Variants in PLA2G4E observed in about 807,000 individuals in gnomAD.
PLA2G4E encodes phospholipase A2 group IVE.
A neutral mutation model predicts 109.1 loss-of-function variants in PLA2G4E; 84 were observed. The ratio of observed to expected loss-of-function variants is 0.77; its 90% CI spans 0.65 to 0.92. The LOEUF (loss-of-function observed/expected upper bound fraction) is 0.92. Among genes scored for constraint, PLA2G4E ranks in the 40% least tolerant of loss-of-function variants. The probability of loss-of-function intolerance (pLI) is 0.00; values close to 1 mark genes in which losing one functional copy is unlikely to be tolerated. For missense variants in PLA2G4E, 1,057 were observed against 1,076.6 expected (o/e 0.98, Z 0.25); for synonymous variants, 469 against 436.1 (o/e 1.08, Z -0.94).
intron 1 of PLA2G4E, among the ~76,000 whole-genome samples, chr15:42,040,878 G>T (rs573690708): frequency 1.3e-4 from 20 of 152,314 alleles, no homozygotes; most frequent in African/African-American, 4.1e-4. Context: ...CTTCTCTGAT[G>T]ATTCTAAAGT....
intron 1 of PLA2G4E, among the ~76,000 whole-genome samples, chr15:42,033,118 C>T (rs1889143893): frequency 6.6e-6 from 1 of 151,920 alleles, no homozygotes; most frequent in Non-Finnish European, 1.5e-5. Context: ...TGTGAGAGTA[C>T]TTGGGAGCGG....
rs77850589 is a variant in PLA2G4E, at chr15:42,020,701, G to A, written c.184-6944C>T. Among the ~76,000 whole-genome samples the A allele has an allele frequency of 6.2e-3, 947 of 152,176 alleles. 13 individuals carry two copies. Among genetic ancestry groups the A allele is most frequent in the African/African-American group, 0.022 (910 of 41,516 alleles). ...TCATGATGCCTTGAAAATCTTGAGG[G>A]TACTCTCAGCAGGGCCACCCAAGCA... On this transcript the variant is annotated intron_variant, in intron 1 of 19. Transcript: ENST00000399518.
chr15:41,986,840 TC>T, intron 17 of PLA2G4E: 1 of 347,542 alleles, frequency 2.9e-6, no homozygotes, highest in Middle Eastern at 9.3e-4. Context: ...TTAAAGGGCA[TC>T]CCCAGAACAC....
At chr15:41,995,789 T>C (rs6493017) in intron 11 of PLA2G4E, among the ~76,000 whole-genome samples, 53,704 of 152,064 alleles carry the variant, frequency 0.35, 10,907 homozygotes, top group East Asian at 0.57. Context: ...ACTGTTAGTC[T>C]AGCCCTCGGT....
chr15:41,996,555 C>A (rs1195328837), intron 11 of PLA2G4E, among the ~76,000 whole-genome samples: 1 of 152,170 alleles, frequency 6.6e-6, no homozygotes, highest in Non-Finnish European at 1.5e-5. Context: ...GGCTTGCCTG[C>A]TGCCCAGGCG....
chr15:42,017,351 C>G (rs1329242419), intron 1 of PLA2G4E, among the ~76,000 whole-genome samples: 1 of 152,220 alleles, frequency 6.6e-6, no homozygotes, highest in East Asian at 1.9e-4. Context: ...AACCTCAGTG[C>G]CTTCCAATGC....
chr15:41,993,694 A>G (rs570603268), intron 12 of PLA2G4E, among the ~76,000 whole-genome samples: 1 of 152,162 alleles, frequency 6.6e-6, no homozygotes, highest in Non-Finnish European at 1.5e-5. Flanking sequence ...GCGCCTGAGA[A>G]TGACCTCCCT....
At chr15:42,021,016 C>T (rs775498308) in intron 1 of PLA2G4E, among the ~76,000 whole-genome samples, 5 of 151,884 alleles carry the variant, frequency 3.3e-5, no homozygotes, top group Non-Finnish European at 5.9e-5. Flanking sequence ...TGGCGTGCAT[C>T]TGCCTCAGGA....
In PLA2G4E at chr15:41,986,142, G is replaced by A. The variant is rs1272999145; in HGVS notation, c.2036-137C>T. 8.5e-6 allele frequency: 7 copies of A among 826,448 alleles called. No individual in the cohort carries two copies. In the Admixed American group the frequency reaches 1.5e-4, roughly 18 times the overall value. 51.2% of individuals were successfully genotyped at this position (826,448 alleles called of 1,614,324 possible). On this transcript the variant is annotated intron_variant, in intron 17 of 19. Transcript: ENST00000399518. ...ACCAGGACGCCCACTGAGTTCCAGTGCCCTCTGGGTGGCTGAGGAAGAACA... is the reference window on the plus strand; with the variant it reads ...ACCAGGACGCCCACTGAGTTCCAGTACCCTCTGGGTGGCTGAGGAAGAACA...
intron 18 of PLA2G4E, among the ~76,000 whole-genome samples, chr15:41,985,433 G>A (rs1353828890): frequency 6.6e-6 from 1 of 152,230 alleles, no homozygotes; most frequent in Non-Finnish European, 1.5e-5. Context: ...GAGAGCACTT[G>A]AGTGTAATTC....
chr15:42,048,171 T>A lies in PLA2G4E; in HGVS notation c.183+2350A>T, dbSNP rs111366216. 2.1e-3 allele frequency among the ~76,000 whole-genome samples: 322 copies of A among 152,330 alleles called. 4 individuals are homozygous for A. The South Asian group carries it at 0.027, about 13-fold the overall frequency. On this transcript the variant is annotated intron_variant, in intron 1 of 19. Transcript: ENST00000399518. ...CTTACTGTGTTACAATTGCCTACAG[T>A]GTTCAGTACAGTAACAGGCTGTACA...
At chr15:42,002,765 A>C in intron 5 of PLA2G4E, 69 bp from the exon 6 acceptor site, 2 of 1,377,224 alleles carry the variant, frequency 1.5e-6, no homozygotes, top group Non-Finnish European at 2.0e-6. Flanking sequence ...ATGGCGACAA[A>C]GGGAATAAAT....
chr15:42,014,054 C>T (rs556150353), intron 1 of PLA2G4E, among the ~76,000 whole-genome samples: 82 of 152,070 alleles, frequency 5.4e-4, no homozygotes, highest in African/African-American at 1.8e-3. Context: ...ACATACCCAG[C>T]TAAATTTTTG....
chr15:42,003,802 AG>A (rs1232093272), intron 5 of PLA2G4E, among the ~76,000 whole-genome samples: 4 of 152,216 alleles, frequency 2.6e-5, no homozygotes. Flanking sequence ...AAGAAGAGGG[AG>A]GAGTGAGGAA....
chr15:42,002,518 T>A (rs185856137), intron 6 of PLA2G4E, 136 bp downstream of exon 6: 1 of 997,880 alleles, frequency 1.0e-6, no homozygotes, highest in East Asian at 2.6e-5. Context: ...CTGGCCTCGT[T>A]TAGTCTAACT....
chr15:42,027,376 G>A (rs2068701791), intron 1 of PLA2G4E, among the ~76,000 whole-genome samples: 1 of 152,144 alleles, frequency 6.6e-6, no homozygotes, highest in African/African-American at 2.4e-5. Context: ...GGCCCCCCAG[G>A]GACCAGTGAG....
intron 12 of PLA2G4E, 57 bp downstream of exon 12, chr15:41,995,303 G>A: frequency 6.3e-7 from 1 of 1,588,556 alleles, no homozygotes; most frequent in South Asian, 1.1e-5. Context: ...GAGACCCCAG[G>A]CCAGCCTGTT....
chr15:41,991,283 T>A (rs1566836399), intron 13 of PLA2G4E, among the ~76,000 whole-genome samples: 1 of 152,194 alleles, frequency 6.6e-6, no homozygotes, highest in Non-Finnish European at 1.5e-5. Flanking sequence ...ATGCTGAGAC[T>A]CCTGATGTCG....
intron 1 of PLA2G4E, among the ~76,000 whole-genome samples, chr15:42,036,994 G>A (rs1382365726): frequency 6.6e-6 from 1 of 152,216 alleles, no homozygotes; most frequent in African/African-American, 2.4e-5. Context: ...CCTGGCCGAG[G>A]GTGCACATAT....
Sources: allele counts gnomAD v4.1 joint callset (sites outside exome capture counted in the v4.1 genomes callset), GRCh38; gene constraint gnomAD v4.1.1; transcripts MANE v1.5; gene names NCBI Gene and HGNC (gene_info 2026-07-23, HGNC 2026-07-21).